The following RSPH6A variants were observed in gnomAD, a reference collection of about 807,000 sequenced individuals.
The protein encoded by RSPH6A is radial spoke head 6 homolog A, also known as radial spoke head protein 6 homolog A.
RSPH6A carries 49 observed loss-of-function variants against 66.1 expected under a neutral mutation model. The ratio of observed to expected loss-of-function variants is 0.74; its 90% CI spans 0.59 to 0.94. RSPH6A has a LOEUF of 0.94. RSPH6A is among the 40% of genes least tolerant of loss of function. The pLI is 0.00. For synonymous variants in RSPH6A, 419 were observed against 402.4 expected (o/e 1.04, Z -0.49); for missense variants, 977 against 948.3 (o/e 1.03, Z -0.40).
intron 2 of RSPH6A, among the ~76,000 whole-genome samples, chr19:45,806,734 A>G (rs968927575): frequency 6.7e-6 from 1 of 150,194 alleles, no homozygotes; most frequent in Non-Finnish European, 1.5e-5. Flanking sequence ...TTTGGCTCAG[A>G]AGCCAGAGAA....
intron 3 of RSPH6A, among the ~76,000 whole-genome samples, chr19:45,803,210 GAAAAAAA>G (rs537694212): frequency 1.9e-5 from 2 of 104,094 alleles, no homozygotes; most frequent in Non-Finnish European, 3.8e-5. Context: ...CTCCGTCTCA[GAAAAAAA>G]AAAAAAAAAA....
Position 45,815,046 on chromosome 19 carries a change from T to C in RSPH6A, c.131A>G (p.Gln44Arg), listed in dbSNP as rs1424144656. The change falls in exon 1 of 6, where the codon CAG becomes CGG. Residue 44 changes from glutamine (Q) to arginine (R), a missense_variant. Physicochemically the swap from Gln to Arg is conservative, Grantham distance 43 (BLOSUM62 1). Transcript: ENST00000221538. ...QALAADPEER[Q>R]QIPPDAQRNA... ...TCGCTGGGCGTCTGGAGGTATCTGCTGCCTCTCCTCGGGGTCCGCTGCCAG... is the reference window on the plus strand; with the variant it reads ...TCGCTGGGCGTCTGGAGGTATCTGCCGCCTCTCCTCGGGGTCCGCTGCCAG... 1 of 1,613,588 alleles carries C rather than the reference T, an allele frequency of 6.2e-7. No individual in the cohort carries two copies.
In RSPH6A at chr19:45,803,742, T is replaced by C. The variant is rs542776104; in HGVS notation, c.1653+510A>G. 2.7e-4 allele frequency among the ~76,000 whole-genome samples: 40 copies of C among 148,940 alleles called. 1 individual carries two copies. Among genetic ancestry groups the C allele is most frequent in the Middle Eastern group, 3.6e-3 (1 of 280 alleles). On this transcript the variant is annotated intron_variant, in intron 3 of 5. Transcript: ENST00000221538. ...GCGCAGTGGCTCATGTCTATAATCC[T>C]AGCACTTTGGGAGGCCAAGGTAGGC...
rs529295373 is a variant in RSPH6A, at chr19:45,804,256, G to C, written c.1649C>G (p.Pro550Arg). The C allele has an allele frequency of 2.5e-6, 4 of 1,600,248 alleles. No homozygotes were observed. The African/African-American group carries it at 4.0e-5, about 16-fold the overall frequency. The change falls in exon 3 of 6, where the codon CCG becomes CGG. Residue 550 changes from proline to arginine, a missense_variant. By Grantham distance (103) the Pro-to-Arg change is moderately radical. Transcript: ENST00000221538. This position sits in a 1 kb window ranked among gnomAD's most constrained non-coding sequence, Gnocchi z 5.8. ...GGCGGGAGTCCCGGCGCTCACCTGC[G>C]GCAGGATGTGCTGTGTGTGATGCAC... ...NWVHHTQHIL[P>R]QGRCTWVNPL...
chr19:45,808,661 T>C (rs1360528129), intron 2 of RSPH6A, among the ~76,000 whole-genome samples: 1 of 63,248 alleles, frequency 1.6e-5, no homozygotes, highest in Non-Finnish European at 3.5e-5. Context: ...ACTTATCTTT[T>C]TTTTTTTTTT....
chr19:45,807,873 G>T lies in RSPH6A; in HGVS notation c.888+2730C>A, dbSNP rs28739519. 8.9e-3 allele frequency among the ~76,000 whole-genome samples: 1,359 copies of T among 152,314 alleles called. 26 individuals are homozygous for T. The highest frequency in any genetic ancestry group is 0.031 in the African/African-American group (1,292 of 41,560). The stretch of plus-strand genomic sequence containing the variant: ...AAACAGCTCTCTTTGTTTAGGGACA[G>T]CTAGGGAGCCTGGGAGTGTGGGGAA... On this transcript the variant is annotated intron_variant, in intron 2 of 5. Transcript: ENST00000221538.
intron 1 of RSPH6A, among the ~76,000 whole-genome samples, chr19:45,811,568 GCT>G (rs1423103299): frequency 2.0e-5 from 3 of 150,992 alleles, no homozygotes; most frequent in African/African-American, 7.3e-5. Flanking sequence ...CTCCCAAGTA[GCT>G]GGGATTACAG....
intron 1 of RSPH6A, among the ~76,000 whole-genome samples, chr19:45,812,726 C>T (rs911395141): frequency 3.3e-5 from 5 of 152,044 alleles, no homozygotes; most frequent in Non-Finnish European, 5.9e-5. Flanking sequence ...GACAGAGTCT[C>T]GCTCTGTTGC....
At chr19:45,803,993 C>CAAAAAAAAAAAAAA (rs55863032) in intron 3 of RSPH6A, among the ~76,000 whole-genome samples, 1 of 103,474 alleles carries the variant, frequency 9.7e-6, no homozygotes, top group Non-Finnish European at 2.0e-5. Context: ...GACTCTGTCT[C>CAAAAAAAAAAAAAA]AAAAAAAAAA....
chr19:45,814,004 C>G (rs1180425972), intron 1 of RSPH6A, among the ~76,000 whole-genome samples: 2 of 152,012 alleles, frequency 1.3e-5, no homozygotes, highest in Non-Finnish European at 2.9e-5. Context: ...ACTAAAAATA[C>G]AAAAATTAGC....
Position 45,814,616 on chromosome 19 carries a change from G to A in RSPH6A, c.561C>T (p.Ala187=), listed in dbSNP as rs1317612658. 12 of 1,591,866 alleles carry A rather than the reference G, an allele frequency of 7.5e-6. No homozygotes were observed. Among genetic ancestry groups the A allele is most frequent in the South Asian group, 1.1e-5 (1 of 87,542 alleles). ...CCAGAGGCTCGGGCTCAGGCACCTGGGCACTGTAGTGTGGGAAGCCCAGCT... is the reference window on the plus strand; with the variant it reads ...CCAGAGGCTCGGGCTCAGGCACCTGAGCACTGTAGTGTGGGAAGCCCAGCT... The part of the protein sequence containing the change: ...PSELGFPHYS[A]QVPEPEPLEL... Residue 187 remains alanine, a synonymous_variant, in exon 1 of 6, where the codon GCC becomes GCT. Transcript: ENST00000221538.
intron 1 of RSPH6A, 87 bp from the exon 2 acceptor site, chr19:45,810,927 G>C: frequency 9.2e-7 from 1 of 1,081,348 alleles, no homozygotes; most frequent in Non-Finnish European, 1.3e-6. Flanking sequence ...CCTGTGCCTG[G>C]TGCTGGGGAC....
rs567229484 is a variant in RSPH6A at position 45,810,659 on chromosome 19, G to C, written c.832C>G (p.Leu278Val). The C allele has an allele frequency of 6.2e-7, 1 of 1,613,960 alleles. No individual in the cohort carries two copies. The highest frequency in any genetic ancestry group is 2.2e-5 in the East Asian group (1 of 44,856). The change falls in exon 2 of 6, where the codon CTG (leucine) becomes GTG (valine). Residue 278 changes from leucine (L) to valine (V), a missense_variant. Leu to Val is a conservative substitution (Grantham distance 32, BLOSUM62 1). Transcript: ENST00000221538. ...GTGCCGCCTCCACTCCGGGTGAACA[G>C]CGCCTTCTGTTTCTCCGCCATCTTG... ...TYKMAEKQKA[L>V]FTRSGGGTEG...
At position 45,814,511 on chromosome 19, in the gene RSPH6A, C is replaced by T; in HGVS notation, c.650+16G>A. The T allele has an allele frequency of 1.4e-6, 2 of 1,473,388 alleles. No homozygotes were observed. Among genetic ancestry groups the T allele is most frequent in the Middle Eastern group, 1.9e-4 (1 of 5,198 alleles). The allele number at this position is 1,473,388 out of a possible 1,614,324, so 91.3% of individuals were successfully genotyped here. A position where few individuals can be genotyped will look rare whatever the true frequency, so the allele number is the denominator to read the frequency against. On this transcript the variant is annotated intron_variant, in intron 1 of 5. Coordinates refer to ENST00000221538, the MANE Select transcript of RSPH6A (RefSeq NM_030785.4). ...GCCTGGGTCCCCCACCCGCCCCACT[C>T]CTAGCCCCTGCTCACAGGCTGAGGT...
chr19:45,811,024 T>C (rs1970620686), intron 1 of RSPH6A, 184 bp from the exon 2 acceptor site: 3 of 450,282 alleles, frequency 6.7e-6, no homozygotes, highest in Non-Finnish European at 1.2e-5. Flanking sequence ...AGATGGAGTC[T>C]TGCTCTGTTG....
chr19:45,814,736 G>C lies in RSPH6A; in HGVS notation c.441C>G (p.Gly147=). Residue 147 remains glycine (G), a synonymous_variant, in exon 1 of 6, where the codon GGC becomes GGG. Coordinates refer to ENST00000221538, the MANE Select transcript of RSPH6A (RefSeq NM_030785.4). ...GGTCTGTCTGGTAGAGGTTGAACTG[G>C]CCCAAGGGGTTGACTGGGGGCTCCT... ...TFQEPPVNPL[G]QFNLYQTDQF... 1 of 1,613,820 alleles carries C rather than the reference G, an allele frequency of 6.2e-7. No individual in the cohort carries two copies. Among genetic ancestry groups the C allele is most frequent in the South Asian group, 1.1e-5 (1 of 90,964 alleles).
chr19:45,804,737 C>T lies in RSPH6A; in HGVS notation c.1168G>A (p.Glu390Lys), dbSNP rs143615549. The T allele has an allele frequency of 7.3e-5, 118 of 1,613,042 alleles. No individual in the cohort carries two copies. In the Middle Eastern group the frequency reaches 2.1e-3, roughly 29 times the overall value. ...TTCTCCTCGTCCTCCTCGCCCTCCT[C>T]CTCGCCGTGCGCCTCCATGACCTCG... The part of the protein sequence containing the change: ...GGEVMEAHGE[E>K]EGEEDEEKAV... Residue 390 changes from glutamate to lysine, a missense_variant, in exon 3 of 6, where the codon GAG becomes AAG. Transcript: ENST00000221538. This position sits in a 1 kb window ranked among gnomAD's most constrained non-coding sequence, Gnocchi z 5.8.
At chr19:45,798,150 G>A (rs2146280385) in intron 5 of RSPH6A, among the ~76,000 whole-genome samples, 1 of 151,804 alleles carries the variant, frequency 6.6e-6, no homozygotes, top group South Asian at 2.1e-4. Context: ...CACCTGGTCA[G>A]GAGTTCGAGA....
Position 45,802,205 on chromosome 19 carries a change from C to A in RSPH6A, c.1713G>T (p.Glu571Asp). The A allele has an allele frequency of 6.4e-7, 1 of 1,551,224 alleles. No homozygotes were observed. The highest frequency in any genetic ancestry group is 8.7e-7 in the Non-Finnish European group (1 of 1,144,610). Residue 571 changes from glutamate (E) to aspartate (D), a missense_variant, in exon 4 of 6, where the codon GAG becomes GAT. By Grantham distance (45) the Glu-to-Asp change is conservative. Transcript: ENST00000221538. The stretch of plus-strand genomic sequence containing the variant: ...GCCCCTCATCTGCCTTCTCTTCCTC[C>A]TCCCCCAGGTCCTCCTCCTCCTCTG... ...QKTEEEEDLG[E>D]EEEKADEGPE...
Sources: allele counts gnomAD v4.1 joint callset (sites outside exome capture counted in the v4.1 genomes callset), GRCh38; gene constraint gnomAD v4.1.1; non-coding constraint Gnocchi (gnomAD v3.1); transcripts MANE v1.5; gene names NCBI Gene and HGNC (gene_info 2026-07-23, HGNC 2026-07-21).